ATP10A: variants seen among roughly 807,000 people sequenced by gnomAD.
ATP10A encodes ATPase phospholipid transporting 10A (putative).
A neutral mutation model predicts 147.8 loss-of-function variants in ATP10A; 111 were observed. The observed-to-expected ratio is 0.75, with a 90% confidence interval of 0.64 to 0.88. The LOEUF is 0.88. ATP10A is among the 40% of genes least tolerant of loss of function. The probability of loss-of-function intolerance (pLI) is 0.00; values close to 1 mark genes in which losing one functional copy is unlikely to be tolerated. For missense variants in ATP10A, 1,927 were observed against 1,959.0 expected, an observed-to-expected ratio of 0.98 and a Z score of 0.31; for synonymous variants, 875 against 841.6, an observed-to-expected ratio of 1.04 and a Z score of -0.69.
chr15:25,680,373 A>G, intron 19 of ATP10A, 65 bp from the exon 20 acceptor site: 2 of 1,524,270 alleles, frequency 1.3e-6, no homozygotes, highest in Middle Eastern at 1.7e-4. Flanking sequence ...TGACAATAAC[A>G]AAAACGTGCC....
At chr15:25,826,549 C>A (rs972080163) in intron 1 of ATP10A, among the ~76,000 whole-genome samples, 2 of 152,096 alleles carry the variant, frequency 1.3e-5, no homozygotes, top group African/African-American at 4.8e-5. Flanking sequence ...GCAACAGAGC[C>A]AGACTTTGTC....
intron 1 of ATP10A, among the ~76,000 whole-genome samples, chr15:25,858,583 G>A (rs967927165): frequency 6.6e-6 from 1 of 152,152 alleles, no homozygotes; most frequent in African/African-American, 2.4e-5. Flanking sequence ...GGGGACACGG[G>A]TTGGAGAAAT....
chr15:25,744,816 G>C (rs918960357), intron 2 of ATP10A, among the ~76,000 whole-genome samples: 1 of 152,134 alleles, frequency 6.6e-6, no homozygotes, highest in Non-Finnish European at 1.5e-5. Context: ...AAAGGATAGA[G>C]GGAAGTCTAA....
At chr15:25,705,475 A>AG (rs397716008) in intron 12 of ATP10A, among the ~76,000 whole-genome samples, 1 of 149,420 alleles carries the variant, frequency 6.7e-6, no homozygotes, top group African/African-American at 2.5e-5. Flanking sequence ...AACAAAAAAA[A>AG]TCACCTTCAT....
intron 2 of ATP10A, among the ~76,000 whole-genome samples, chr15:25,747,055 G>A (rs1255833969): frequency 6.6e-6 from 1 of 152,198 alleles, no homozygotes; most frequent in African/African-American, 2.4e-5. Flanking sequence ...GGGAGGCCAA[G>A]GCGGGTGGAT....
chr15:25,704,031 C>T (rs1398943933), intron 12 of ATP10A, among the ~76,000 whole-genome samples: 1 of 152,224 alleles, frequency 6.6e-6, no homozygotes, highest in African/African-American at 2.4e-5. Context: ...GTGAGCACAT[C>T]CCCAGCCACC....
At chr15:25,684,486 T>A (rs1371407849) in intron 16 of ATP10A, among the ~76,000 whole-genome samples, 2 of 152,160 alleles carry the variant, frequency 1.3e-5, no homozygotes, top group African/African-American at 2.4e-5. Context: ...CTATAGGTGA[T>A]CGCCTACGGT....
At chr15:25,729,127 A>G (rs1402543987) in intron 3 of ATP10A, among the ~76,000 whole-genome samples, 1 of 152,196 alleles carries the variant, frequency 6.6e-6, no homozygotes, top group Non-Finnish European at 1.5e-5. Flanking sequence ...TGAAGCCCTA[A>G]CTCCCAGGAC....
Position 25,718,350 on chromosome 15 carries a change from C to T in ATP10A, c.1413G>A (p.Val471=), listed in dbSNP as rs111963989. Residue 471 remains valine (V), a synonymous_variant, in exon 8 of 21, where the codon GTG becomes GTA. Coordinates refer to ENST00000555815, the MANE Select transcript of ATP10A (RefSeq NM_024490.4). ...YQEADSEEEE[V]VPRGGSVSQR... is the part of the protein sequence containing the mutation. Reference sequence around the variant, plus strand: ...GGGACACCGAGCCCCCTCTGGGCACCACCTCCTCCTCCTCCGAGTCTGCCT... The same window carrying T: ...GGGACACCGAGCCCCCTCTGGGCACTACCTCCTCCTCCTCCGAGTCTGCCT... 1,072 of 1,609,924 alleles carry T rather than the reference C, an allele frequency of 6.7e-4. 9 individuals are homozygous for T. The African/African-American group carries it at 0.013, about 20-fold the overall frequency.
rs900632733 is a variant in ATP10A at position 25,701,860 on chromosome 15, C to T, written c.2760+56G>A. On this transcript the variant is annotated intron_variant, in intron 13 of 20. Coordinates refer to ENST00000555815, the MANE Select transcript of ATP10A (RefSeq NM_024490.4). ...ATGTGAGTGTCTGCCAAGGGGGCCACGATAAACATGGACCACCCCAGGGGA... is the reference window on the plus strand; with the variant it reads ...ATGTGAGTGTCTGCCAAGGGGGCCATGATAAACATGGACCACCCCAGGGGA... 1.2e-5 allele frequency: 18 copies of T among 1,486,474 alleles called. 1 individual carries two copies. Among genetic ancestry groups the T allele is most frequent in the Middle Eastern group, 2.2e-4 (1 of 4,526 alleles). 92.1% of individuals were successfully genotyped at this position (1,486,474 alleles called of 1,614,324 possible).
intron 1 of ATP10A, among the ~76,000 whole-genome samples, chr15:25,811,600 G>C (rs1229336081): frequency 1.3e-5 from 2 of 152,144 alleles, no homozygotes; most frequent in Non-Finnish European, 2.9e-5. Context: ...GTAAGTGTTT[G>C]TAGCAAGACC....
chr15:25,821,311 C>A (rs972326069), intron 1 of ATP10A, among the ~76,000 whole-genome samples: 2 of 151,996 alleles, frequency 1.3e-5, no homozygotes, highest in Admixed American at 1.3e-4. Context: ...ATCACTGCAG[C>A]CCGGGAGATC....
chr15:25,825,415 T>C (rs1468847646), intron 1 of ATP10A, among the ~76,000 whole-genome samples: 1 of 152,088 alleles, frequency 6.6e-6, no homozygotes, highest in Non-Finnish European at 1.5e-5. Context: ...GAGCTATGCA[T>C]ACACTCAGAA....
At chr15:25,784,560 G>A (rs1890070827) in intron 1 of ATP10A, among the ~76,000 whole-genome samples, 2 of 152,178 alleles carry the variant, frequency 1.3e-5, no homozygotes, top group Admixed American at 6.5e-5. Context: ...GCAGACCTCA[G>A]GTCACTGTCC....
chr15:25,813,314 G>GA (rs1252422098), intron 1 of ATP10A, among the ~76,000 whole-genome samples: 2 of 152,210 alleles, frequency 1.3e-5, no homozygotes, highest in African/African-American at 4.8e-5. Context: ...AGCGCTAGGG[G>GA]AAAATGCCTG....
At chr15:25,683,237 G>T in intron 17 of ATP10A, 49 bp downstream of exon 17, 1 of 1,564,082 alleles carries the variant, frequency 6.4e-7, no homozygotes, top group Non-Finnish European at 8.8e-7. Flanking sequence ...GAGTGAACGT[G>T]GAGGGCAGAG....
chr15:25,738,264 C>A (rs901390435), intron 2 of ATP10A, among the ~76,000 whole-genome samples: 6 of 152,218 alleles, frequency 3.9e-5, no homozygotes, highest in Admixed American at 3.9e-4. Context: ...GACTTGTCAA[C>A]CTGCCCCCTG....
At chr15:25,825,727 GA>G (rs1168465166) in intron 1 of ATP10A, among the ~76,000 whole-genome samples, 2 of 151,880 alleles carry the variant, frequency 1.3e-5, no homozygotes, top group Non-Finnish European at 2.9e-5. Context: ...ACCCTGGGGA[GA>G]AAAAAAGAAT....
chr15:25,679,483 A>C lies in ATP10A; in HGVS notation c.4358T>G (p.Val1453Gly). The C allele has an allele frequency of 6.2e-7, 1 of 1,614,000 alleles. No individual in the cohort carries two copies. Among genetic ancestry groups the C allele is most frequent in the African/African-American group, 1.3e-5 (1 of 75,036 alleles). Residue 1453 changes from valine to glycine, a missense_variant, in exon 21 of 21, where the codon GTC (valine) becomes GGC (glycine). Coordinates refer to ENST00000555815, the MANE Select transcript of ATP10A (RefSeq NM_024490.4). ...CTGCTCCGTCCGGGAGAACTGTAAG[A>C]CACTCCCCAGCCTGCTGACCAGCGA... is the stretch of plus-strand genomic sequence containing the variant. Reference protein sequence around the residue: ...SWSLVSRLGSVLQFSRTEQLA... With the variant: ...SWSLVSRLGSGLQFSRTEQLA...
Sources: gnomAD v4.1 joint callset for allele counts (sites outside exome capture counted in the v4.1 genomes callset) on GRCh38, gnomAD v4.1.1 for gene constraint, MANE v1.5 for transcripts, NCBI Gene and HGNC (gene_info 2026-07-23, HGNC 2026-07-21) for gene names.